The following ZFHX3 variants were observed in gnomAD, a reference collection of about 807,000 sequenced individuals.
The protein encoded by ZFHX3 is zinc finger homeobox 3.
Under a neutral mutation model 279.1 loss-of-function variants are expected in ZFHX3, and 42 were observed. The ratio of observed to expected loss-of-function variants is 0.15; its 90% CI spans 0.12 to 0.19. The LOEUF is 0.19. Among genes scored for constraint, ZFHX3 ranks in the 10% least tolerant of loss-of-function variants. The probability of loss-of-function intolerance (pLI) is 1.00; values close to 1 mark genes in which losing one functional copy is unlikely to be tolerated. For synonymous variants in ZFHX3, 2,293 were observed against 1,957.8 expected (o/e 1.17, Z -4.52); for missense variants, 4,981 against 4,754.0 (o/e 1.05, Z -1.40).
At chr16:73,558,510 C>T (rs920235962) in intron 2 of ZFHX3, 1 of 152,122 alleles carries the variant, frequency 6.6e-6, no homozygotes, top group Admixed American at 6.6e-5. Context: ...GTCAGGGCCT[C>T]TTATTTCTCA....
chr16:73,762,384 G>A (rs765122285), intron 1 of ZFHX3, among the ~76,000 whole-genome samples: 28 of 152,320 alleles, frequency 1.8e-4, no homozygotes, highest in Non-Finnish European at 3.2e-4. Flanking sequence ...TAGTGGAAAT[G>A]TAAATTAGTT....
chr16:73,085,498 G>A (rs976259277), intron 8 of ZFHX3, among the ~76,000 whole-genome samples: 6 of 152,042 alleles, frequency 3.9e-5, no homozygotes, highest in South Asian at 2.1e-4. Flanking sequence ...CGCCTGCCTC[G>A]GCCTCCCAAA....
At chr16:73,535,434 T>C (rs2143736924) in intron 2 of ZFHX3, among the ~76,000 whole-genome samples, 1 of 152,350 alleles carries the variant, frequency 6.6e-6, no homozygotes, top group East Asian at 1.9e-4. Context: ...AGTGGCTATC[T>C]GACCCAAATG....
At chr16:73,844,961 C>T (rs1428618626) in intron 1 of ZFHX3, among the ~76,000 whole-genome samples, 1 of 151,994 alleles carries the variant, frequency 6.6e-6, no homozygotes, top group African/African-American at 2.4e-5. Flanking sequence ...CTCTGCTGCT[C>T]TAATGGGCAA....
intron 1 of ZFHX3, among the ~76,000 whole-genome samples, chr16:73,686,656 C>G (rs779899491): frequency 7.9e-5 from 12 of 152,094 alleles, no homozygotes; most frequent in Non-Finnish European, 1.5e-4. Context: ...AGGCTGTATT[C>G]CCTCTGGTAA....
chr16:73,027,448 C>G (rs74030212), intron 1 of ZFHX3, among the ~76,000 whole-genome samples: 1 of 152,290 alleles, frequency 6.6e-6, no homozygotes, highest in African/African-American at 2.4e-5. Context: ...GGTGTTCAAA[C>G]TTCTCTAGAA....
chr16:73,340,419 C>T (rs2016008883), intron 3 of ZFHX3, among the ~76,000 whole-genome samples: 1 of 152,226 alleles, frequency 6.6e-6, no homozygotes, highest in Admixed American at 6.5e-5. Flanking sequence ...AGTGCAGTGG[C>T]ACGATGATCA....
chr16:73,456,341 C>G (rs1454014801), intron 2 of ZFHX3: 1 of 152,104 alleles, frequency 6.6e-6, no homozygotes, highest in Admixed American at 6.6e-5. Flanking sequence ...TACATTCCTC[C>G]CCACTTTCCC....
At chr16:73,160,044 T>A (rs952589492) in intron 5 of ZFHX3, among the ~76,000 whole-genome samples, 18 of 152,226 alleles carry the variant, frequency 1.2e-4, no homozygotes, top group Non-Finnish European at 2.1e-4. Context: ...ATTACAGGCA[T>A]GAGCCTCCAC....
intron 7 of ZFHX3, among the ~76,000 whole-genome samples, chr16:72,801,136 G>T (rs2036087759): frequency 6.6e-6 from 1 of 152,172 alleles, no homozygotes; most frequent in Non-Finnish European, 1.5e-5. Context: ...AGGTGGCGAT[G>T]ATATTTCAAA....
chr16:73,170,431 T>C (rs1049122199), intron 5 of ZFHX3, among the ~76,000 whole-genome samples: 2 of 151,958 alleles, frequency 1.3e-5, no homozygotes, highest in African/African-American at 4.8e-5. Flanking sequence ...GGTTTCAACA[T>C]GTAGGCTAGG....
chr16:73,334,309 C>G (rs187908533), intron 3 of ZFHX3, among the ~76,000 whole-genome samples: 17 of 151,906 alleles, frequency 1.1e-4, no homozygotes, highest in African/African-American at 3.9e-4. Context: ...GCCATTTTCA[C>G]GGAGGTAGGC....
intron 5 of ZFHX3, 48 bp from the exon 6 acceptor site, chr16:72,812,086 C>T: frequency 6.3e-7 from 1 of 1,598,872 alleles, no homozygotes; most frequent in Non-Finnish European, 8.5e-7. Flanking sequence ...ACCAGGCCAG[C>T]TCCCAGAGGG....
chr16:73,543,035 A>T (rs1435360809), intron 2 of ZFHX3, among the ~76,000 whole-genome samples: 1 of 152,198 alleles, frequency 6.6e-6, no homozygotes, highest in East Asian at 1.9e-4. Flanking sequence ...CCTGGGGACC[A>T]CGGGAAGGAG....
At chr16:72,876,820 C>T (rs980652300) in intron 4 of ZFHX3, among the ~76,000 whole-genome samples, 6 of 152,130 alleles carry the variant, frequency 3.9e-5, no homozygotes, top group African/African-American at 1.2e-4. Context: ...TCCTCACACA[C>T]GGCAGCCAGG....
chr16:72,959,723 C>T lies in ZFHX3; in HGVS notation c.423G>A (p.Ala141=), dbSNP rs62053190. 0.073 allele frequency: 118,561 copies of T among 1,613,552 alleles called. 4,738 individuals carry two copies. Among genetic ancestry groups the T allele is most frequent in the Non-Finnish European group, 0.08 (94,644 of 1,179,778 alleles). Reference sequence around the variant, plus strand: ...GCTGGCTCAGGCTCTCCACAATGTACGCGGAGCCGTCCGGCTGGTAGACGA... The same window carrying T: ...GCTGGCTCAGGCTCTCCACAATGTATGCGGAGCCGTCCGGCTGGTAGACGA... The part of the protein sequence containing the change: ...GEIVYQPDGS[A]YIVESLSQLT... The change falls in exon 2 of 10, where the codon GCG becomes GCA. Residue 141 remains alanine (A), a synonymous_variant. Transcript: ENST00000268489.
intron 5 of ZFHX3, among the ~76,000 whole-genome samples, chr16:73,147,786 C>T (rs946678555): frequency 6.6e-6 from 1 of 150,760 alleles, no homozygotes; most frequent in Non-Finnish European, 1.5e-5. Flanking sequence ...GGGCAAACCA[C>T]TTAAGCCCCC....
chr16:73,779,050 T>TG (rs1470374090), intron 1 of ZFHX3, among the ~76,000 whole-genome samples: 2 of 151,756 alleles, frequency 1.3e-5, no homozygotes, highest in Admixed American at 1.3e-4. Flanking sequence ...CGCCCTAGGG[T>TG]GGGGGTGGGT....
chr16:73,822,647 T>G (rs1398426129), intron 1 of ZFHX3, among the ~76,000 whole-genome samples: 1 of 152,206 alleles, frequency 6.6e-6, no homozygotes, highest in East Asian at 1.9e-4. Context: ...CATCATTTAC[T>G]GTAAAGTGTG....
Sources: gnomAD v4.1 joint callset for allele counts (sites outside exome capture counted in the v4.1 genomes callset) on GRCh38, gnomAD v4.1.1 for gene constraint, MANE v1.5 for transcripts, NCBI Gene and HGNC (gene_info 2026-07-23, HGNC 2026-07-21) for gene names.